The following RAD54L2 variants were observed in gnomAD, a reference collection of about 807,000 sequenced individuals.
The protein encoded by RAD54L2 is RAD54 like 2, also known as helicase ARIP4.
In RAD54L2, 27 loss-of-function variants were observed where a neutral mutation model predicts 138.4. The ratio of observed to expected loss-of-function variants is 0.20; its 90% CI spans 0.14 to 0.27. The LOEUF (loss-of-function observed/expected upper bound fraction) is 0.27. RAD54L2 is among the 10% of genes least tolerant of loss of function. The pLI, the probability that RAD54L2 is intolerant of heterozygous loss-of-function variation, is 1.00. For synonymous variants in RAD54L2, 644 were observed against 723.2 expected (o/e 0.89, Z 1.76); for missense variants, 1,396 against 1,890.2 (o/e 0.74, Z 4.85).
intron 3 of RAD54L2, 143 bp from the exon 4 acceptor site, chr3:51,627,410 G>A (rs1367294359): frequency 1.4e-6 from 1 of 737,604 alleles, no homozygotes; most frequent in Non-Finnish European, 2.3e-6. Context: ...TACATCCACT[G>A]ATGTTCAGAG....
chr3:51,666,823 GTC>G lies in RAD54L2; in HGVS notation c.*3407_*3408del, dbSNP rs768968609. ...TCTTCCCTAGGAATTAGTGTGTGGA[GTC>G]TCTATATGCTTGTGATCCTTGGAGC... On this transcript the variant is annotated 3_prime_UTR_variant, in exon 23 of 23. Transcript: ENST00000684192. 4.6e-5 allele frequency: 7 copies of G among 152,042 alleles called. No individual in the cohort carries two copies. The highest frequency in any genetic ancestry group is 1.5e-4 in the African/African-American group (6 of 41,334). The allele number at this position is 152,042 out of a possible 1,614,324, so 9.4% of individuals were successfully genotyped here.
intron 2 of RAD54L2, among the ~76,000 whole-genome samples, chr3:51,542,360 G>A (rs1698575116): frequency 6.6e-6 from 1 of 152,090 alleles, no homozygotes; most frequent in Non-Finnish European, 1.5e-5. Flanking sequence ...CTGTGGTGCT[G>A]TGCAGGATTC....
At chr3:51,550,933 G>A (rs1278162553) in intron 2 of RAD54L2, among the ~76,000 whole-genome samples, 1 of 152,056 alleles carries the variant, frequency 6.6e-6, no homozygotes, top group Admixed American at 6.6e-5. Flanking sequence ...GTTAATCCCA[G>A]CTACTTGGGA....
At chr3:51,614,155 T>A (rs1700392550) in intron 3 of RAD54L2, among the ~76,000 whole-genome samples, 1 of 152,044 alleles carries the variant, frequency 6.6e-6, no homozygotes, top group Non-Finnish European at 1.5e-5. Flanking sequence ...TTCTTCATGT[T>A]CTGTTTCTTT....
intron 3 of RAD54L2, among the ~76,000 whole-genome samples, chr3:51,612,906 T>G (rs1478219698): frequency 1.3e-5 from 2 of 152,140 alleles, no homozygotes; most frequent in African/African-American, 4.8e-5. Context: ...TTACCCTGTC[T>G]GTAAGATTTT....
At position 51,663,746 on chromosome 3, in the gene RAD54L2, C is replaced by T. The variant is rs146592443; in HGVS notation, c.*326C>T. On this transcript the variant is annotated 3_prime_UTR_variant, in exon 23 of 23. Transcript: ENST00000684192. ...TTGCTCGCCCATCTGAGTGTAGAAG[C>T]GCACATCCCATTTCTGTCTTTGGGA... is the stretch of plus-strand genomic sequence containing the variant. 1.3e-3 allele frequency: 335 copies of T among 267,740 alleles called. 2 individuals are homozygous for T. In the East Asian group the frequency reaches 0.013, roughly 10 times the overall value. The allele number at this position is 267,740 out of a possible 1,614,324, so 16.6% of individuals were successfully genotyped here.
chr3:51,581,957 T>C (rs1699616370), intron 2 of RAD54L2, among the ~76,000 whole-genome samples: 2 of 151,520 alleles, frequency 1.3e-5, no homozygotes, highest in Admixed American at 6.6e-5. Context: ...TCAGGGTTAC[T>C]CTGTCACCCA....
chr3:51,572,043 A>G (rs189257860), intron 2 of RAD54L2, among the ~76,000 whole-genome samples: 1 of 152,274 alleles, frequency 6.6e-6, no homozygotes, highest in Non-Finnish European at 1.5e-5. Context: ...TATCTTTGCT[A>G]GTATTCACTT....
chr3:51,663,127 C>T lies in RAD54L2; in HGVS notation c.4111C>T (p.Leu1371Phe). The change falls in exon 23 of 23, where the codon CTC (leucine) becomes TTC (phenylalanine). Residue 1371 changes from leucine to phenylalanine, a missense_variant. This residue lies in a region of RAD54L2 where 634 missense variants were observed against 711.2 expected (regional missense o/e 0.89). Transcript: ENST00000684192. Reference sequence around the variant, plus strand: ...CACTGCCAGCAACCCCTCCTTCATGCTCAACCCTTCTGTGCCAGGGATACT... The same window carrying T: ...CACTGCCAGCAACCCCTCCTTCATGTTCAACCCTTCTGTGCCAGGGATACT... The part of the protein sequence containing the change: ...SVTASNPSFM[L>F]NPSVPGILPS... 1.2e-6 allele frequency: 2 copies of T among 1,614,010 alleles called. No individual in the cohort carries two copies. Among genetic ancestry groups the T allele is most frequent in the African/African-American group, 1.3e-5 (1 of 75,056 alleles).
Position 51,656,981 on chromosome 3 carries a change from C to T in RAD54L2, c.3227-599C>T, listed in dbSNP as rs141994490. Among the ~76,000 whole-genome samples the T allele has an allele frequency of 2.6e-3, 398 of 152,282 alleles. 1 individual carries two copies. Among genetic ancestry groups the T allele is most frequent in the Admixed American group, 6.0e-3 (91 of 15,290 alleles). ...CGAACTCCTGAGCTCAGGCAATCCA[C>T]CCGCCTTGGCCTCCCACAGTGCTGG... On this transcript the variant is annotated intron_variant, in intron 20 of 22. Transcript: ENST00000684192.
In RAD54L2 at chr3:51,644,849, A is replaced by G. The variant is rs545929975; in HGVS notation, c.2451-175A>G. Among the ~76,000 whole-genome samples the G allele has an allele frequency of 2.6e-5, 4 of 152,144 alleles. No homozygotes were observed. In the South Asian group the frequency reaches 8.3e-4, roughly 31 times the overall value. On this transcript the variant is annotated intron_variant, in intron 16 of 22. Transcript: ENST00000684192. ...CTTTCATGTTGGATTTCAGGGCACA[A>G]TTTTCAGTGCTTGAGGAATGTACTG...
At chr3:51,620,646 G>A (rs1406774034) in intron 3 of RAD54L2, among the ~76,000 whole-genome samples, 3 of 151,966 alleles carry the variant, frequency 2.0e-5, no homozygotes, top group Admixed American at 6.6e-5. Context: ...ATTTATAGTG[G>A]TGGTGTTCAT....
At chr3:51,582,322 C>T (rs1048511994) in intron 2 of RAD54L2, among the ~76,000 whole-genome samples, 2 of 152,178 alleles carry the variant, frequency 1.3e-5, no homozygotes, top group South Asian at 4.1e-4. Flanking sequence ...AGCCTTTGTT[C>T]ACAAGCAAAG....
intron 2 of RAD54L2, among the ~76,000 whole-genome samples, chr3:51,554,391 G>A (rs1415856734): frequency 2.6e-5 from 4 of 151,324 alleles, no homozygotes; most frequent in Non-Finnish European, 4.4e-5. Flanking sequence ...TTAGCTGGGT[G>A]TGGTGGTGCA....
chr3:51,585,640 CTCTCA>C, intron 2 of RAD54L2, among the ~76,000 whole-genome samples: 1 of 152,332 alleles, frequency 6.6e-6, no homozygotes, highest in East Asian at 1.9e-4. Context: ...TTTTCCTTCA[CTCTCA>C]CGATTGCTAT....
Position 51,627,602 on chromosome 3 carries a change from A to G in RAD54L2, c.189A>G (p.Glu63=). 2 of 1,558,906 alleles carry G rather than the reference A, an allele frequency of 1.3e-6. No homozygotes were observed. The highest frequency in any genetic ancestry group is 1.7e-6 in the Non-Finnish European group (2 of 1,151,838). The change falls in exon 4 of 23, where the codon GAA becomes GAG. Residue 63 remains glutamate, a synonymous_variant. Coordinates refer to ENST00000684192, the MANE Select transcript of RAD54L2 (RefSeq NM_015106.4). The part of the protein sequence containing the change: ...MCGTEHAQLG[E]DGQQPPRCTS... ...GCACTGAGCATGCCCAGTTGGGAGA[A>G]GATGGGCAGCAGCCGCCGCGGTGCA...
At chr3:51,557,478 A>G (rs1228551024) in intron 2 of RAD54L2, among the ~76,000 whole-genome samples, 1 of 151,672 alleles carries the variant, frequency 6.6e-6, no homozygotes, top group Non-Finnish European at 1.5e-5. Flanking sequence ...CCACTGCACC[A>G]GGCTGTTGTT....
intron 9 of RAD54L2, among the ~76,000 whole-genome samples, chr3:51,635,054 G>T (rs1700950879): frequency 6.6e-6 from 1 of 152,186 alleles, no homozygotes; most frequent in African/African-American, 2.4e-5. Context: ...GCTCATTCAG[G>T]ACTTTTAGTC....
intron 3 of RAD54L2, among the ~76,000 whole-genome samples, chr3:51,607,071 T>G (rs549589404): frequency 6.7e-6 from 1 of 148,164 alleles, no homozygotes; most frequent in East Asian, 2.2e-4. Flanking sequence ...TCTTTTTATT[T>G]TTTTTTATTT....
Sources: gnomAD v4.1 joint callset for allele counts (sites outside exome capture counted in the v4.1 genomes callset) on GRCh38, gnomAD v4.1.1 for gene constraint, gnomAD v4.1.1 regional missense constraint, MANE v1.5 for transcripts, NCBI Gene and HGNC (gene_info 2026-07-23, HGNC 2026-07-21) for gene names.